The following REPS2 variants were observed in gnomAD, a reference collection of about 807,000 sequenced individuals.
REPS2 encodes ralBP1-associated Eps domain-containing protein 2.
In REPS2, 23 loss-of-function variants were observed where a neutral mutation model predicts 53.6. The ratio of observed to expected loss-of-function variants is 0.43; its 90% CI spans 0.31 to 0.61. REPS2 has a LOEUF of 0.61. Among genes scored for constraint, REPS2 ranks in the 20% least tolerant of loss-of-function variants. The pLI is 0.11. For synonymous variants in REPS2, 238 were observed against 218.6 expected (o/e 1.09, Z -0.78); for missense variants, 446 against 534.9 (o/e 0.83, Z 1.64).
intron 13 of REPS2, among the ~76,000 whole-genome samples, chrX:17,082,271 G>A (rs1014420820): frequency 8.0e-5 from 9 of 112,143 alleles, no homozygotes; most frequent in African/African-American, 1.9e-4. Context: ...GTTTCAGACC[G>A]GGCATTTTCA....
intron 1 of REPS2, among the ~76,000 whole-genome samples, chrX:16,968,017 C>T (rs2060796477): frequency 9.0e-6 from 1 of 110,891 alleles, no homozygotes; most frequent in Middle Eastern, 4.2e-3. Context: ...TCCCTGGGTA[C>T]TTGAGATTAG....
chrX:16,978,045 TC>T (rs1175637730), intron 1 of REPS2, among the ~76,000 whole-genome samples: 2 of 111,887 alleles, frequency 1.8e-5, no homozygotes, highest in Non-Finnish European at 3.8e-5. Context: ...TCATGGTGGT[TC>T]CTGGGTAGTT....
chrX:17,136,884 A>G (rs1432449127), intron 16 of REPS2: 1 of 112,521 alleles, frequency 8.9e-6, no homozygotes, highest in Non-Finnish European at 1.9e-5. Flanking sequence ...CATAAATGGA[A>G]TAATGAAACG....
At chrX:17,180,441 A>G in the REPS2 span, among the ~76,000 whole-genome samples, 1 of 111,161 alleles carries the variant, frequency 9.0e-6, no homozygotes, top group African/African-American at 3.3e-5. Context: ...GAAAAATAAC[A>G]ATGCCTACTT....
At chrX:16,968,624 G>A (rs1158762460) in intron 1 of REPS2, among the ~76,000 whole-genome samples, 1 of 101,252 alleles carries the variant, frequency 9.9e-6, no homozygotes, top group Non-Finnish European at 2.0e-5. Context: ...CCTCCTGGAT[G>A]GGGCGGCTGG....
chrX:17,159,080 C>A, the REPS2 span, among the ~76,000 whole-genome samples: 50 of 111,729 alleles, frequency 4.5e-4, no homozygotes, highest in African/African-American at 1.6e-3. Context: ...ATGATTCCAT[C>A]AAATTTTTTT....
intron 11 of REPS2, among the ~76,000 whole-genome samples, chrX:17,071,446 C>G (rs1250789768): frequency 9.2e-6 from 1 of 108,370 alleles, no homozygotes; most frequent in East Asian, 2.9e-4. Context: ...TTTAACATTC[C>G]TTCATTGACT....
chrX:17,000,464 T>C (rs1366849850), intron 1 of REPS2, among the ~76,000 whole-genome samples: 1 of 111,507 alleles, frequency 9.0e-6, no homozygotes, highest in East Asian at 2.8e-4. Context: ...ATTTACCTAG[T>C]GCAGTTGATT....
chrX:16,976,144 G>A (rs2060952157), intron 1 of REPS2, among the ~76,000 whole-genome samples: 1 of 111,346 alleles, frequency 9.0e-6, no homozygotes, highest in South Asian at 3.8e-4. Flanking sequence ...TAGAATAAAC[G>A]CCAACTTCCT....
intron 1 of REPS2, among the ~76,000 whole-genome samples, chrX:16,964,617 C>T (rs1278057840): frequency 1.1e-4 from 12 of 108,360 alleles, no homozygotes; most frequent in South Asian, 8.0e-4. Context: ...CGGGCAGAGG[C>T]GCCCCTCACC....
chrX:17,154,672 G>T (rs2063597905), downstream of REPS2, among the ~76,000 whole-genome samples: 1 of 112,646 alleles, frequency 8.9e-6, no homozygotes, highest in Non-Finnish European at 1.9e-5. Flanking sequence ...TTTGATAAAA[G>T]AGAGATGGTG....
At chrX:17,166,124 C>T in the REPS2 span, among the ~76,000 whole-genome samples, 9 of 111,096 alleles carry the variant, frequency 8.1e-5, no homozygotes, top group African/African-American at 2.6e-4. Context: ...ATTCTCTCGC[C>T]GCTGACCTGT....
At chrX:17,170,621 A>C in the REPS2 span, among the ~76,000 whole-genome samples, 1 of 112,462 alleles carries the variant, frequency 8.9e-6, no homozygotes, top group Non-Finnish European at 1.9e-5. Flanking sequence ...CTGAGATCCT[A>C]ATCTAAACAA....
At position 17,117,051 on chromosome X, in the gene REPS2, T is replaced by C. The variant is rs904047438; in HGVS notation, c.1578+13272T>C. Among the ~76,000 whole-genome samples, 4 of 111,494 alleles carry C rather than the reference T, an allele frequency of 3.6e-5. No homozygotes were observed. In the Admixed American group the frequency reaches 3.8e-4, roughly 11 times the overall value. On this transcript the variant is annotated intron_variant, in intron 14 of 17. Coordinates refer to ENST00000357277, the MANE Select transcript of REPS2 (RefSeq NM_004726.3). The stretch of plus-strand genomic sequence containing the variant: ...ACAGTACTTCCATCTGGTGCAGGTG[T>C]CAGGGGTCTTGTAGATGGCACCCAA...
At chrX:16,955,103 G>A (rs1169350040) in intron 1 of REPS2, among the ~76,000 whole-genome samples, 2 of 111,140 alleles carry the variant, frequency 1.8e-5, no homozygotes, top group Admixed American at 9.6e-5. Context: ...GTGAGCCACC[G>A]CGCCTGGCCT....
At chrX:17,160,961 T>C in the REPS2 span, among the ~76,000 whole-genome samples, 2 of 112,104 alleles carry the variant, frequency 1.8e-5, 1 homozygote, top group South Asian at 7.5e-4. Context: ...TGGAGAGGAA[T>C]TGTGCCCCAG....
At chrX:17,185,654 G>A in the REPS2 span, among the ~76,000 whole-genome samples, 14 of 112,015 alleles carry the variant, frequency 1.2e-4, no homozygotes, top group Non-Finnish European at 2.3e-4. Context: ...CACCAACTGA[G>A]AAACTGTCGC....
the REPS2 span, among the ~76,000 whole-genome samples, chrX:17,165,709 T>C: frequency 9.0e-6 from 1 of 111,155 alleles, no homozygotes; most frequent in Non-Finnish European, 1.9e-5. Flanking sequence ...TTTTAATTAC[T>C]CATTTACTTC....
intron 1 of REPS2, among the ~76,000 whole-genome samples, chrX:17,002,249 G>A (rs2061316778): frequency 1.8e-5 from 2 of 111,165 alleles, no homozygotes; most frequent in Non-Finnish European, 3.8e-5. Context: ...GAGTTTGTGT[G>A]TATGTAGAAT....
Sources: gnomAD v4.1 joint callset for allele counts (sites outside exome capture counted in the v4.1 genomes callset) on GRCh38, gnomAD v4.1.1 for gene constraint, MANE v1.5 for transcripts, NCBI Gene and HGNC (gene_info 2026-07-23, HGNC 2026-07-21) for gene names.